The following ACSS3 variants were observed in gnomAD, a reference collection of about 807,000 sequenced individuals.
The protein encoded by ACSS3 is acyl-CoA synthetase short-chain family member 3, mitochondrial.
ACSS3 carries 64 observed loss-of-function variants against 84.2 expected under a neutral mutation model. The observed-to-expected ratio is 0.76, with a 90% CI of 0.62 to 0.94. The LOEUF (loss-of-function observed/expected upper bound fraction) is 0.94. ACSS3 is among the 40% of genes least tolerant of loss of function. The pLI, the probability that ACSS3 is intolerant of heterozygous loss-of-function variation, is 0.00. For synonymous variants in ACSS3, 317 were observed against 310.1 expected (o/e 1.02, Z -0.23); for missense variants, 815 against 867.6 (o/e 0.94, Z 0.76).
At chr12:81,194,460 T>TCC in intron 8 of ACSS3, among the ~76,000 whole-genome samples, 1 of 151,900 alleles carries the variant, frequency 6.6e-6, no homozygotes, top group African/African-American at 2.4e-5. Flanking sequence ...AAAGAAGTCA[T>TCC]CCGTAAAGTC....
At chr12:81,241,510 T>C (rs529546049) in intron 13 of ACSS3, among the ~76,000 whole-genome samples, 1 of 152,302 alleles carries the variant, frequency 6.6e-6, no homozygotes, top group African/African-American at 2.4e-5. Context: ...GTTTCCTGAC[T>C]TTTTAGTGAT....
At chr12:81,217,100 C>A (rs2032948050) in intron 10 of ACSS3, 104 bp downstream of exon 10, 6 of 809,244 alleles carry the variant, frequency 7.4e-6, no homozygotes, top group Admixed American at 5.0e-5. Flanking sequence ...TAATTAGAAT[C>A]TGGTTGAATG....
chr12:81,157,618 C>G (rs1886941005), intron 7 of ACSS3, among the ~76,000 whole-genome samples: 1 of 152,068 alleles, frequency 6.6e-6, no homozygotes. Flanking sequence ...GTCAGCCTGA[C>G]CAATATGGTG....
chr12:81,190,511 G>GTA (rs1270823276), intron 8 of ACSS3, among the ~76,000 whole-genome samples: 13 of 151,980 alleles, frequency 8.6e-5, no homozygotes, highest in Non-Finnish European at 1.9e-4. Context: ...TAGTTTTAAT[G>GTA]TATATATGTA....
At chr12:81,238,689 G>A (rs1243781013) in intron 13 of ACSS3, among the ~76,000 whole-genome samples, 2 of 151,462 alleles carry the variant, frequency 1.3e-5, no homozygotes, top group Non-Finnish European at 3.0e-5. Context: ...TCTTTTTAAT[G>A]TCCATGATCT....
At chr12:81,104,471 G>A in intron 1 of ACSS3, among the ~76,000 whole-genome samples, 1 of 152,264 alleles carries the variant, frequency 6.6e-6, no homozygotes, top group Admixed American at 6.5e-5. Flanking sequence ...TTGCCAAGGT[G>A]TAGCAAGGTG....
At chr12:81,160,840 C>T (rs1487999217) in intron 7 of ACSS3, among the ~76,000 whole-genome samples, 1 of 152,076 alleles carries the variant, frequency 6.6e-6, no homozygotes, top group African/African-American at 2.4e-5. Context: ...GGTATGATTT[C>T]TGACACTTCT....
At chr12:81,236,502 A>C (rs528015763) in intron 13 of ACSS3, among the ~76,000 whole-genome samples, 28 of 151,052 alleles carry the variant, frequency 1.9e-4, no homozygotes. Context: ...ATCTATCTGT[A>C]TTATGTTTCA....
intron 2 of ACSS3, among the ~76,000 whole-genome samples, chr12:81,129,894 T>C (rs912971290): frequency 6.6e-6 from 1 of 151,728 alleles, no homozygotes; most frequent in Non-Finnish European, 1.5e-5. Context: ...TCTGTCCTTG[T>C]GATAGTTTGC....
intron 1 of ACSS3, among the ~76,000 whole-genome samples, chr12:81,084,571 A>G (rs554396854): frequency 5.5e-4 from 83 of 152,226 alleles, no homozygotes; most frequent in Non-Finnish European, 9.6e-4. Context: ...AATCTTAAAG[A>G]GGTGAGAGGT....
rs778710253 is a variant in ACSS3 at position 81,152,056 on chromosome 12, A to G, written c.1058A>G (p.Tyr353Cys). The stretch of plus-strand genomic sequence containing the variant: ...GTTGTTGGACATTCCTATATCTGCT[A>G]TGGACCTCTTCTTCATGGGAACACA... ...GWVVGHSYIC[Y>C]GPLLHGNTTV... The change falls in exon 7 of 16, where the codon TAT (tyrosine) becomes TGT (cysteine). Residue 353 changes from tyrosine to cysteine, a missense_variant. Transcript: ENST00000548058. The G allele has an allele frequency of 2.5e-6, 4 of 1,613,424 alleles. No homozygotes were observed. The highest frequency in any genetic ancestry group is 1.1e-5 in the South Asian group (1 of 90,946).
At chr12:81,199,579 A>T in intron 9 of ACSS3, 135 bp downstream of exon 9, 1 of 1,485,690 alleles carries the variant, frequency 6.7e-7, no homozygotes, top group East Asian at 2.5e-5. Context: ...GTTTCAGTAA[A>T]AATAAGCAAT....
intron 1 of ACSS3, among the ~76,000 whole-genome samples, chr12:81,107,027 T>C (rs61934930): frequency 0.35 from 53,251 of 151,452 alleles, 11,846 homozygotes; most frequent in Non-Finnish European, 0.5. Context: ...GTGAAATGAG[T>C]ATAATTTTAG....
intron 10 of ACSS3, among the ~76,000 whole-genome samples, chr12:81,218,123 G>A (rs1307993726): frequency 1.3e-5 from 2 of 152,044 alleles, no homozygotes; most frequent in East Asian, 1.9e-4. Context: ...GTTTTGTGAT[G>A]TTATGCAATA....
intron 2 of ACSS3, among the ~76,000 whole-genome samples, chr12:81,110,727 C>T (rs890586981): frequency 3.3e-5 from 5 of 152,158 alleles, no homozygotes; most frequent in South Asian, 2.1e-4. Flanking sequence ...TGAGTTGTGA[C>T]GTCTGCGCAC....
intron 3 of ACSS3, among the ~76,000 whole-genome samples, chr12:81,138,031 A>G (rs1885899360): frequency 6.6e-6 from 1 of 152,174 alleles, no homozygotes; most frequent in African/African-American, 2.4e-5. Context: ...ATTAAATTAT[A>G]TTCAAAAAGC....
chr12:81,227,248 C>T (rs753253677), intron 11 of ACSS3, among the ~76,000 whole-genome samples: 7 of 151,802 alleles, frequency 4.6e-5, no homozygotes, highest in Non-Finnish European at 1.0e-4. Context: ...CTGATTTACT[C>T]TAAATCTACT....
At chr12:81,128,718 G>A (rs1462483325) in intron 2 of ACSS3, among the ~76,000 whole-genome samples, 2 of 152,106 alleles carry the variant, frequency 1.3e-5, no homozygotes, top group East Asian at 3.9e-4. Flanking sequence ...AATAGAAATT[G>A]TAACTCTACA....
chr12:81,110,217 G>C (rs978039147), intron 2 of ACSS3, among the ~76,000 whole-genome samples: 1 of 152,158 alleles, frequency 6.6e-6, no homozygotes, highest in Non-Finnish European at 1.5e-5. Context: ...TTGAAATCTG[G>C]TCATAACATT....
Sources: gnomAD v4.1 joint callset for allele counts (sites outside exome capture counted in the v4.1 genomes callset) on GRCh38, gnomAD v4.1.1 for gene constraint, MANE v1.5 for transcripts, NCBI Gene and HGNC (gene_info 2026-07-23, HGNC 2026-07-21) for gene names.